Variants in DNMT3A observed in about 807,000 individuals in gnomAD.
The protein encoded by DNMT3A is DNA (cytosine-5)-methyltransferase 3A.
In DNMT3A, 267 loss-of-function variants were observed where a neutral mutation model predicts 117.6. That is an observed-to-expected ratio of 2.27 (90% CI 2.05 to 2.51). The LOEUF is 2.51. DNMT3A is among the 30% of genes most tolerant of loss of function. DNMT3A has a pLI of 0.00. For missense variants in DNMT3A, 1,029 were observed against 1,260.2 expected (o/e 0.82, Z 2.78); for synonymous variants, 432 against 474.8 (o/e 0.91, Z 1.17).
intron 3 of DNMT3A, among the ~76,000 whole-genome samples, chr2:25,285,008 C>T (rs2032193353): frequency 6.6e-6 from 1 of 152,180 alleles, no homozygotes; most frequent in Admixed American, 6.5e-5. Context: ...CATGCCGTTC[C>T]CTGATGGTGG....
At chr2:25,340,221 C>A (rs953425552) in intron 1 of DNMT3A, among the ~76,000 whole-genome samples, 6 of 152,136 alleles carry the variant, frequency 3.9e-5, no homozygotes, top group Admixed American at 3.9e-4. Flanking sequence ...CAGGGGGCTC[C>A]CCTCAGGAGC....
At position 25,237,061 on chromosome 2, in the gene DNMT3A, C is replaced by G; in HGVS notation, c.2409-56G>C. On this transcript the variant is annotated intron_variant, in intron 20 of 22. Coordinates refer to ENST00000321117, the MANE Select transcript of DNMT3A (RefSeq NM_022552.5). This position sits in a 1 kb window ranked among gnomAD's most constrained non-coding sequence, Gnocchi z 5.4. ...GAAACCTGGATAACAGCGGGAAGGG[C>G]CCCAGCTGCACGACTCCCCTCCCTC... 1 of 1,580,586 alleles carries G rather than the reference C, an allele frequency of 6.3e-7. No homozygotes were observed. Among genetic ancestry groups the G allele is most frequent in the Non-Finnish European group, 8.6e-7 (1 of 1,157,154 alleles).
intron 1 of DNMT3A, 177 bp from the exon 2 acceptor site, chr2:25,314,338 C>T (rs1453557910): frequency 3.0e-6 from 3 of 985,242 alleles, no homozygotes; most frequent in Non-Finnish European, 3.6e-6. Flanking sequence ...CCACCTCCTA[C>T]CCCAGCAGCC....
At chr2:25,280,331 C>A (rs1283283025) in intron 4 of DNMT3A, among the ~76,000 whole-genome samples, 1 of 133,328 alleles carries the variant, frequency 7.5e-6, no homozygotes, top group Admixed American at 7.4e-5. Flanking sequence ...CCCCCCCACC[C>A]CCCACCCCGG....
Position 25,247,971 on chromosome 2 carries a change from C to T in DNMT3A, c.855+66G>A, listed in dbSNP as rs897829987. The T allele has an allele frequency of 1.6e-5, 25 of 1,602,826 alleles. No homozygotes were observed. The highest frequency in any genetic ancestry group is 2.3e-4 in the Middle Eastern group (1 of 4,426). On this transcript the variant is annotated intron_variant, in intron 7 of 22. Transcript: ENST00000321117. This position sits in a 1 kb window ranked among gnomAD's most constrained non-coding sequence, Gnocchi z 5.6. ...GGGAGATGGAGAGAGGAGAGCAGGA[C>T]GGGAGGAGCTGGCAGTGGAAGGCCC...
At chr2:25,255,202 A>T (rs1676007615) in intron 6 of DNMT3A, among the ~76,000 whole-genome samples, 1 of 152,224 alleles carries the variant, frequency 6.6e-6, no homozygotes, top group South Asian at 2.1e-4. Flanking sequence ...AGAGACCCCA[A>T]GATCTAGAGC....
chr2:25,331,740 T>A (rs887846879), intron 1 of DNMT3A, among the ~76,000 whole-genome samples: 1 of 152,148 alleles, frequency 6.6e-6, no homozygotes, highest in Non-Finnish European at 1.5e-5. Flanking sequence ...TTCTCATCCA[T>A]CGCACAAGGC....
intron 2 of DNMT3A, among the ~76,000 whole-genome samples, chr2:25,309,185 C>G (rs1177420215): frequency 6.6e-6 from 1 of 152,238 alleles, no homozygotes; most frequent in Non-Finnish European, 1.5e-5. Flanking sequence ...ACTAGGCCCT[C>G]CAAGCACGGT....
intron 16 of DNMT3A, 109 bp from the exon 17 acceptor site, chr2:25,241,816 C>T: frequency 7.1e-7 from 1 of 1,399,220 alleles, no homozygotes; most frequent in Non-Finnish European, 9.7e-7. Flanking sequence ...GCTGTAGGCC[C>T]AAGTCCTATC....
chr2:25,286,914 CTCTGGAGGGCAGAGACTTTGCTCGA>C lies in DNMT3A; in HGVS notation c.178-4228_178-4204del, dbSNP rs940376369. Among the ~76,000 whole-genome samples the C allele has an allele frequency of 1.5e-4, 23 of 152,282 alleles. No individual in the cohort carries two copies. The highest frequency in any genetic ancestry group is 1.2e-3 in the South Asian group (6 of 4,826). On this transcript the variant is annotated intron_variant, in intron 3 of 22. Coordinates refer to ENST00000321117, the MANE Select transcript of DNMT3A (RefSeq NM_022552.5). This position sits in a 1 kb window ranked among gnomAD's most constrained non-coding sequence, Gnocchi z 4.3. ...TCCCCTGTCTCCACAGCTTGTTGACCTCTGGAGGGCAGAGACTTTGCTCGATCTGGAGGGCAGAGACTTTGCTCGA... is the reference window on the plus strand; with the variant it reads ...TCCCCTGTCTCCACAGCTTGTTGACCTCTGGAGGGCAGAGACTTTGCTCGA...
At chr2:25,331,719 T>C (rs1379230635) in intron 1 of DNMT3A, among the ~76,000 whole-genome samples, 1 of 152,200 alleles carries the variant, frequency 6.6e-6, no homozygotes, top group Non-Finnish European at 1.5e-5. Context: ...CAGACTGAAA[T>C]GCACCTGCCT....
At position 25,293,999 on chromosome 2, in the gene DNMT3A, T is replaced by A. The variant is rs2032939282; in HGVS notation, c.177+6140A>T. Among the ~76,000 whole-genome samples, 1 of 152,214 alleles carries A rather than the reference T, an allele frequency of 6.6e-6. No individual in the cohort carries two copies. The highest frequency in any genetic ancestry group is 1.9e-4 in the East Asian group (1 of 5,168). On this transcript the variant is annotated intron_variant, in intron 3 of 22. Transcript: ENST00000321117. The surrounding 1 kb of genome is among the most constrained non-coding windows in gnomAD (Gnocchi z 4.7). ...TATACATTTTTCAATGAATCCCTAG[T>A]CCCCTCAGCCAGGCCTGTGCCTGTG...
chr2:25,250,921 C>T (rs962642970), intron 6 of DNMT3A, among the ~76,000 whole-genome samples: 1 of 152,208 alleles, frequency 6.6e-6, no homozygotes, highest in African/African-American at 2.4e-5. Context: ...TCGTGCCTGA[C>T]ACCACCCTCA....
At position 25,282,214 on chromosome 2, in the gene DNMT3A, T is replaced by G. The variant is rs777712247; in HGVS notation, c.448+227A>C. On this transcript the variant is annotated intron_variant, in intron 4 of 22. Transcript: ENST00000321117. This position sits in a 1 kb window ranked among gnomAD's most constrained non-coding sequence, Gnocchi z 5.2. ...TTTTTATGTGAAATTTTTTGATTTT[T>G]AAATACTGGCAACTAATTTTTTAAA... 7 of 1,261,610 alleles carry G rather than the reference T, an allele frequency of 5.5e-6. No individual in the cohort carries two copies. Among genetic ancestry groups the G allele is most frequent in the Non-Finnish European group, 7.0e-6 (7 of 999,870 alleles). The allele number at this position is 1,261,610 out of a possible 1,614,324, so 78.2% of individuals were successfully genotyped here.
intron 4 of DNMT3A, among the ~76,000 whole-genome samples, chr2:25,277,878 C>A (rs896358268): frequency 7.9e-5 from 12 of 151,906 alleles, no homozygotes; most frequent in African/African-American, 2.9e-4. Flanking sequence ...AATGTGACCC[C>A]CTTCCTAATT....
rs548868937 is a variant in DNMT3A at position 25,301,556 on chromosome 2, C to T, written c.73-1313G>A. Among the ~76,000 whole-genome samples the T allele has an allele frequency of 3.3e-5, 5 of 152,284 alleles. No homozygotes were observed. The East Asian group carries it at 9.6e-4, about 29-fold the overall frequency. ...CTGTGCACGGCTGGGCCCTGACATG[C>T]TTGTCTCCTGGGGCACAGAGACATA... On this transcript the variant is annotated intron_variant, in intron 2 of 22. Transcript: ENST00000321117.
rs1325599689 is a variant in DNMT3A at position 25,254,531 on chromosome 2, A to T, written c.640-6279T>A. On this transcript the variant is annotated intron_variant, in intron 6 of 22. Coordinates refer to ENST00000321117, the MANE Select transcript of DNMT3A (RefSeq NM_022552.5). This position sits in a 1 kb window ranked among gnomAD's most constrained non-coding sequence, Gnocchi z 4.7. ...CTCTTCTGTTCCAACCCATCTTTCA[A>T]CCCAACTAAGGTATTTGCCTGGTAC... is the stretch of plus-strand genomic sequence containing the variant. Among the ~76,000 whole-genome samples the T allele has an allele frequency of 6.6e-6, 1 of 151,954 alleles. No homozygotes were observed. Among genetic ancestry groups the T allele is most frequent in the Non-Finnish European group, 1.5e-5 (1 of 67,992 alleles).
intron 2 of DNMT3A, among the ~76,000 whole-genome samples, chr2:25,301,671 C>A (rs1194501321): frequency 6.6e-6 from 1 of 152,178 alleles, no homozygotes; most frequent in Non-Finnish European, 1.5e-5. Context: ...CATGACTAAT[C>A]CCCAGCAGAA....
intron 3 of DNMT3A, among the ~76,000 whole-genome samples, chr2:25,285,082 G>C (rs986618482): frequency 6.6e-6 from 1 of 152,176 alleles, no homozygotes; most frequent in African/African-American, 2.4e-5. Flanking sequence ...CTGTACAGCT[G>C]CGTGTTTCCA....
Sources: allele counts gnomAD v4.1 joint callset (sites outside exome capture counted in the v4.1 genomes callset), GRCh38; gene constraint gnomAD v4.1.1; non-coding constraint Gnocchi (gnomAD v3.1); transcripts MANE v1.5; gene names NCBI Gene and HGNC (gene_info 2026-07-23, HGNC 2026-07-21).